Variants in PSMA6 observed in about 807,000 individuals in gnomAD.
The protein encoded by PSMA6 is proteasome 20S subunit alpha 6, also known as proteasome subunit alpha type-6.
For synonymous variants in PSMA6, 88 were observed against 97.7 expected (o/e 0.90, Z 0.59); for missense variants, 170 against 294.8 (o/e 0.58, Z 3.10).
chr14:35,302,484 T>A (rs2051734333), intron 1 of PSMA6, among the ~76,000 whole-genome samples: 1 of 152,190 alleles, frequency 6.6e-6, no homozygotes, highest in Admixed American at 6.5e-5. Flanking sequence ...TTTCAGACAT[T>A]GGACCATAAT....
At position 35,310,777 on chromosome 14, in the gene PSMA6, G is replaced by A; in HGVS notation, c.291G>A (p.Glu97=). ...CCCAGGTACAGAGGGCACGCTATGA[G>A]GCAGCTAACTGGAAATACAAGTATG... is the stretch of plus-strand genomic sequence containing the variant. ...SRSQVQRARY[E]AANWKYKYGY... is the part of the protein sequence containing the mutation. The change falls in exon 4 of 7, where the codon GAG becomes GAA. Residue 97 remains glutamate (E), a synonymous_variant. Transcript: ENST00000261479. 6.2e-7 allele frequency: 1 copy of A among 1,612,578 alleles called. No individual in the cohort carries two copies. Among genetic ancestry groups the A allele is most frequent in the Non-Finnish European group, 8.5e-7 (1 of 1,179,840 alleles).
chr14:35,286,368 TA>T (rs1258121536), intron 1 of PSMA6, among the ~76,000 whole-genome samples: 1 of 152,200 alleles, frequency 6.6e-6, no homozygotes, highest in African/African-American at 2.4e-5. Flanking sequence ...AGCTGTATGT[TA>T]AAAACCACCA....
chr14:35,281,959 C>T (rs2051370649), intron 1 of PSMA6, among the ~76,000 whole-genome samples: 1 of 152,202 alleles, frequency 6.6e-6, no homozygotes, highest in African/African-American at 2.4e-5. Context: ...CTCAGTTAAT[C>T]CCTTTCCTCC....
chr14:35,278,709 C>G (rs2051332064), exon 1 of PSMA6: 3 of 1,534,512 alleles, frequency 2.0e-6, no homozygotes, highest in African/African-American at 1.4e-5. Context: ...TATGGCAGGT[C>G]TTCGGAGAGG....
At chr14:35,314,532 GA>G in intron 6 of PSMA6, 77 bp downstream of exon 6, 1 of 1,402,964 alleles carries the variant, frequency 7.1e-7, no homozygotes, top group Non-Finnish European at 9.4e-7. Context: ...ACTTGTGGGG[GA>G]AATCTTTTTT....
At chr14:35,288,563 C>A (rs1475038771), upstream of PSMA6, among the ~76,000 whole-genome samples, 1 of 152,128 alleles carries the variant, frequency 6.6e-6, no homozygotes, top group Non-Finnish European at 1.5e-5. Flanking sequence ...CTCAAGGAGC[C>A]TGATTTTTAA....
chr14:35,315,276 T>C (rs1031121412), intron 6 of PSMA6: 1 of 152,128 alleles, frequency 6.6e-6, no homozygotes, highest in African/African-American at 2.4e-5. Context: ...AGTGGTAAAC[T>C]AAGCTTAACT....
chr14:35,292,206 A>G, upstream of PSMA6: 1 of 888,580 alleles, frequency 1.1e-6, no homozygotes, highest in East Asian at 3.9e-5. Context: ...GCCACGACCC[A>G]AGTTTCACGT....
upstream of PSMA6, among the ~76,000 whole-genome samples, chr14:35,291,344 A>G (rs1279107162): frequency 6.6e-6 from 1 of 151,854 alleles, no homozygotes; most frequent in East Asian, 1.9e-4. Flanking sequence ...CAGCCTCCCA[A>G]GTATATGGGA....
chr14:35,312,199 TAAAAAA>T (rs35606504), intron 4 of PSMA6, among the ~76,000 whole-genome samples: 1 of 97,422 alleles, frequency 1.0e-5, no homozygotes, highest in Non-Finnish European at 2.0e-5. Context: ...CCTCGTCTCC[TAAAAAA>T]AAAAAAAAAA....
chr14:35,280,835 T>A (rs998415272), intron 1 of PSMA6, among the ~76,000 whole-genome samples: 23 of 152,048 alleles, frequency 1.5e-4, no homozygotes, highest in African/African-American at 5.1e-4. Flanking sequence ...CAAGCGATCC[T>A]CCTGCCTCAG....
intron 3 of PSMA6, chr14:35,310,097 GGGTGCC>G: frequency 2.7e-6 from 1 of 370,688 alleles, no homozygotes; most frequent in Non-Finnish European, 5.2e-6. Flanking sequence ...ATGGCTCACT[GGGTGCC>G]AGTCCAAGAC....
At chr14:35,287,389 T>G (rs1157862005), upstream of PSMA6, among the ~76,000 whole-genome samples, 1 of 152,206 alleles carries the variant, frequency 6.6e-6, no homozygotes, top group African/African-American at 2.4e-5. Flanking sequence ...TTTCAACCCC[T>G]GCTAATATCA....
chr14:35,293,491 G>T (rs1222586649), intron 1 of PSMA6, among the ~76,000 whole-genome samples: 2 of 152,194 alleles, frequency 1.3e-5, no homozygotes, highest in African/African-American at 4.8e-5. Context: ...TAGTGGCTCC[G>T]TGTCTTGCAC....
At position 35,314,367 on chromosome 14, in the gene PSMA6, A is replaced by G. The variant is rs2051999605; in HGVS notation, c.595A>G (p.Ile199Val). 5 of 1,604,338 alleles carry G rather than the reference A, an allele frequency of 3.1e-6. No homozygotes were observed. The highest frequency in any genetic ancestry group is 4.3e-6 in the Non-Finnish European group (5 of 1,174,668). The change falls in exon 6 of 7, where the codon ATT (isoleucine) becomes GTT (valine). Residue 199 changes from isoleucine (I) to valine (V), a missense_variant. Physicochemically the swap from Ile to Val is conservative, Grantham distance 29 (BLOSUM62 3). Coordinates refer to ENST00000261479, the MANE Select transcript of PSMA6 (RefSeq NM_002791.3). ...ATTAAATACTTTTTTTCAGACTGCA[A>G]TTACATGCCTGTCTACTGTTCTATC... ...WTFEQTVETA[I>V]TCLSTVLSID...
chr14:35,298,878 C>T (rs1013281574), intron 1 of PSMA6, among the ~76,000 whole-genome samples: 5 of 151,668 alleles, frequency 3.3e-5, no homozygotes, highest in South Asian at 4.1e-4. Flanking sequence ...GGATTACAGG[C>T]GCGCACCACC....
chr14:35,314,107 A>G (rs1262091277), intron 5 of PSMA6: 1 of 213,794 alleles, frequency 4.7e-6, no homozygotes, highest in Non-Finnish European at 9.2e-6. Context: ...TGCCTGGGTC[A>G]TGAAGCCAAT....
upstream of PSMA6, among the ~76,000 whole-genome samples, chr14:35,291,912 C>G (rs1371942738): frequency 6.7e-6 from 1 of 149,686 alleles, no homozygotes; most frequent in African/African-American, 2.5e-5. Context: ...AAATAATGTT[C>G]TTTCCAGCGG....
intron 1 of PSMA6, among the ~76,000 whole-genome samples, chr14:35,307,126 CGACA>C (rs1566560109): frequency 6.6e-6 from 1 of 151,932 alleles, no homozygotes; most frequent in East Asian, 1.9e-4. Context: ...CCAACCTGGG[CGACA>C]GAGCGAGACT....
Sources: gnomAD v4.1 joint callset for allele counts (sites outside exome capture counted in the v4.1 genomes callset) on GRCh38, gnomAD v4.1.1 for gene constraint, MANE v1.5 for transcripts, NCBI Gene and HGNC (gene_info 2026-07-23, HGNC 2026-07-21) for gene names.